The following F13A1 variants were observed in gnomAD, a reference collection of about 807,000 sequenced individuals.
F13A1 encodes the protein coagulation factor XIII A chain.
Under a neutral mutation model 80.1 loss-of-function variants are expected in F13A1, and 47 were observed. That is an observed-to-expected ratio of 0.59 (90% CI 0.46 to 0.75). F13A1 has a LOEUF of 0.75. F13A1 is among the 30% of genes least tolerant of loss of function. The pLI, the probability that F13A1 is intolerant of heterozygous loss-of-function variation, is 0.00. For synonymous variants in F13A1, 349 were observed against 344.9 expected (o/e 1.01, Z -0.13); for missense variants, 817 against 930.4 (o/e 0.88, Z 1.59).
At chr6:6,288,065 C>G (rs997114566) in intron 3 of F13A1, among the ~76,000 whole-genome samples, 3 of 152,136 alleles carry the variant, frequency 2.0e-5, no homozygotes, top group Admixed American at 6.5e-5. Flanking sequence ...AAGTTTTGAT[C>G]TATGTATACA....
chr6:6,248,518 A>C, intron 5 of F13A1, 99 bp from the exon 6 acceptor site: 2 of 900,140 alleles, frequency 2.2e-6, no homozygotes, highest in South Asian at 1.4e-5. Flanking sequence ...TAATGTTTAG[A>C]AATGTGTGTT....
At chr6:6,181,921 G>C in intron 11 of F13A1, 67 bp downstream of exon 11, 5 of 1,560,406 alleles carry the variant, frequency 3.2e-6, no homozygotes, top group Non-Finnish European at 4.4e-6. Flanking sequence ...ACTCATCTCT[G>C]AGTGACAATG....
At chr6:6,161,550 G>GTGTGTGTC (rs1345403785) in intron 13 of F13A1, among the ~76,000 whole-genome samples, 1 of 151,006 alleles carries the variant, frequency 6.6e-6, no homozygotes, top group Non-Finnish European at 1.5e-5. Flanking sequence ...GTGTGTGTGT[G>GTGTGTGTC]TGAGAGAGAG....
At chr6:6,211,397 A>T (rs1455133339) in intron 8 of F13A1, among the ~76,000 whole-genome samples, 1 of 152,222 alleles carries the variant, frequency 6.6e-6, no homozygotes, top group African/African-American at 2.4e-5. Context: ...GTTAACAAGA[A>T]AATGTTTGAA....
intron 6 of F13A1, among the ~76,000 whole-genome samples, chr6:6,232,882 A>G (rs1345472526): frequency 6.6e-6 from 1 of 152,154 alleles, no homozygotes; most frequent in Non-Finnish European, 1.5e-5. Context: ...TCAAGATGAA[A>G]ATTAAAAAAT....
intron 8 of F13A1, among the ~76,000 whole-genome samples, chr6:6,217,664 A>T (rs549494265): frequency 6.6e-6 from 1 of 152,250 alleles, no homozygotes; most frequent in East Asian, 1.9e-4. Context: ...TGTACCCTAA[A>T]ACTTAAAGTA....
intron 13 of F13A1, among the ~76,000 whole-genome samples, chr6:6,164,506 AAAGGAAGG>A (rs576505297): frequency 6.6e-6 from 1 of 151,956 alleles, no homozygotes. Flanking sequence ...GAAAGACAGG[AAAGGAAGG>A]AAGGAAGGAA....
chr6:6,199,826 C>A (rs760922098), intron 8 of F13A1, among the ~76,000 whole-genome samples: 6 of 152,180 alleles, frequency 3.9e-5, no homozygotes, highest in East Asian at 1.9e-4. Flanking sequence ...GGCTGTCCCC[C>A]ACCCCTGAAG....
intron 8 of F13A1, chr6:6,206,495 A>C: frequency 2.1e-6 from 1 of 472,498 alleles, no homozygotes; most frequent in Non-Finnish European, 4.4e-6. Flanking sequence ...ATGACCTCTG[A>C]CATTTTACCC....
intron 14 of F13A1, among the ~76,000 whole-genome samples, chr6:6,149,698 G>A (rs888671991): frequency 6.6e-6 from 1 of 152,214 alleles, no homozygotes; most frequent in Admixed American, 6.5e-5. Context: ...AGATATAAAT[G>A]TTTGTTGTAT....
chr6:6,277,371 A>AAAAAAAAAT (rs1758002544), intron 3 of F13A1, among the ~76,000 whole-genome samples: 1 of 150,560 alleles, frequency 6.6e-6, no homozygotes, highest in Admixed American at 6.6e-5. Context: ...AAAAAAAAAA[A>AAAAAAAAAT]GACTGACACT....
chr6:6,170,635 G>A (rs1268690473), intron 12 of F13A1, among the ~76,000 whole-genome samples: 1 of 152,102 alleles, frequency 6.6e-6, no homozygotes, highest in East Asian at 1.9e-4. Flanking sequence ...ACTAAATATA[G>A]CCAAGTGGAA....
chr6:6,246,607 A>T (rs1757558134), intron 6 of F13A1, among the ~76,000 whole-genome samples: 1 of 152,250 alleles, frequency 6.6e-6, no homozygotes, highest in African/African-American at 2.4e-5. Flanking sequence ...CATAGGCTTT[A>T]CATGATTAAT....
chr6:6,253,641 G>A (rs769742016), intron 4 of F13A1, among the ~76,000 whole-genome samples: 5 of 152,182 alleles, frequency 3.3e-5, no homozygotes, highest in Admixed American at 3.3e-4. Flanking sequence ...CCCTGAGTAA[G>A]TGCTTATTGT....
rs137945179 is a variant in F13A1 at position 6,174,596 on chromosome 6, C to T, written c.1731G>A (p.Thr577=). Residue 577 remains threonine (T), a synonymous_variant, in exon 12 of 15, where the codon ACG becomes ACA. Coordinates refer to ENST00000264870, the MANE Select transcript of F13A1 (RefSeq NM_000129.4). ...TTAGCTTACAGGACAAGGGCTCCAG[C>T]GTCACGTCGAACGTCTCCTTCTTGA... is the stretch of plus-strand genomic sequence containing the variant. The part of the protein sequence containing the change: ...AEFKKETFDV[T]LEPLSFKKEA... 3.9e-5 allele frequency: 63 copies of T among 1,614,016 alleles called. No homozygotes were observed. The African/African-American group carries it at 4.5e-4, about 12-fold the overall frequency.
intron 7 of F13A1, among the ~76,000 whole-genome samples, chr6:6,224,278 C>T (rs3024401): frequency 0.03 from 4,535 of 152,080 alleles, 196 homozygotes; most frequent in African/African-American, 0.098. Flanking sequence ...TAAATAAATA[C>T]GCATATTTAT....
rs2113092324 is a variant in F13A1 at position 6,243,700 on chromosome 6, C to T, written c.798+4612G>A. Among the ~76,000 whole-genome samples, 1 of 152,178 alleles carries T rather than the reference C, an allele frequency of 6.6e-6. No individual in the cohort carries two copies. The highest frequency in any genetic ancestry group is 1.9e-4 in the East Asian group (1 of 5,198). On this transcript the variant is annotated intron_variant, in intron 6 of 14. Coordinates refer to ENST00000264870, the MANE Select transcript of F13A1 (RefSeq NM_000129.4). The surrounding 1 kb of genome is among the most constrained non-coding windows in gnomAD (Gnocchi z 4.2). The stretch of plus-strand genomic sequence containing the variant: ...TTGCTGTGTGACTTTGAGTGAGGGA[C>T]ACCACTTCCAAGGGCTTCTGCTTCC...
intron 1 of F13A1, among the ~76,000 whole-genome samples, chr6:6,319,117 A>G (rs1758732091): frequency 6.6e-6 from 1 of 152,238 alleles, no homozygotes; most frequent in South Asian, 2.1e-4. Context: ...GCACACAACC[A>G]TGTCCAGACA....
Position 6,175,628 on chromosome 6 carries a change from G to C in F13A1, c.1460-761C>G, listed in dbSNP as rs555023941. Among the ~76,000 whole-genome samples, 83 of 152,334 alleles carry C rather than the reference G, an allele frequency of 5.4e-4. 1 individual carries two copies. The highest frequency in any genetic ancestry group is 1.2e-3 in the Admixed American group (19 of 15,306). Reference sequence around the variant, plus strand: ...GTTCTCCACCTTAATTAGCAAATTAGAGGTTCTAAGTGAAGCCCAGCAGCA... The same window carrying C: ...GTTCTCCACCTTAATTAGCAAATTACAGGTTCTAAGTGAAGCCCAGCAGCA... On this transcript the variant is annotated intron_variant, in intron 11 of 14. Coordinates refer to ENST00000264870, the MANE Select transcript of F13A1 (RefSeq NM_000129.4).
Sources: allele counts gnomAD v4.1 joint callset (sites outside exome capture counted in the v4.1 genomes callset), GRCh38; gene constraint gnomAD v4.1.1; non-coding constraint Gnocchi (gnomAD v3.1); transcripts MANE v1.5; gene names NCBI Gene and HGNC (gene_info 2026-07-23, HGNC 2026-07-21).